The following FEM1C variants were observed in gnomAD, a reference collection of about 807,000 sequenced individuals.
FEM1C encodes the protein fem-1 homolog C.
A neutral mutation model predicts 37.6 loss-of-function variants in FEM1C; 15 were observed. That is an observed-to-expected ratio of 0.40 (90% CI 0.27 to 0.61). The LOEUF is 0.61. Among genes scored for constraint, FEM1C ranks in the 20% least tolerant of loss-of-function variants. The pLI is 0.42. For missense variants in FEM1C, 532 were observed against 749.7 expected (o/e 0.71, Z 3.39); for synonymous variants, 287 against 272.8 (o/e 1.05, Z -0.51).
intron 2 of FEM1C, among the ~76,000 whole-genome samples, chr5:115,526,503 C>G (rs960082013): frequency 2.0e-5 from 3 of 152,110 alleles, no homozygotes; most frequent in African/African-American, 7.2e-5. Context: ...TTAAAACTGA[C>G]AACAGGCACT....
Position 115,525,564 on chromosome 5 carries a change from T to C in FEM1C, c.598A>G (p.Met200Val), listed in dbSNP as rs1296703982. The C allele has an allele frequency of 6.2e-7, 1 of 1,613,488 alleles. No homozygotes were observed. The highest frequency in any genetic ancestry group is 8.5e-7 in the Non-Finnish European group (1 of 1,179,746). The change falls in exon 3 of 3, where the codon ATG becomes GTG. Residue 200 changes from methionine (M) to valine (V), a missense_variant. Physicochemically the swap from Met to Val is conservative, Grantham distance 21. Transcript: ENST00000274457. ...AESGSLDIMKMLLMYCAKMEK... is the reference protein window; with the variant it reads ...AESGSLDIMKVLLMYCAKMEK... ...ATCTTGGCACAATACATAAGAAGCA[T>C]CTTCATGATGTCCAAACTTCCAGAT...
chr5:115,525,389 T>G lies in FEM1C; in HGVS notation c.773A>C (p.Lys258Thr). 6.2e-7 allele frequency: 1 copy of G among 1,613,746 alleles called. No individual in the cohort carries two copies. The highest frequency in any genetic ancestry group is 8.5e-7 in the Non-Finnish European group (1 of 1,179,788). The change falls in exon 3 of 3, where the codon AAA becomes ACA. Residue 258 changes from lysine to threonine, a missense_variant. By Grantham distance (78) the Lys-to-Thr change is moderately conservative. Transcript: ENST00000274457. ...CAAAGCCCCAAGCAGATCTCTTTTTTTGTCTACAAATGTAGCTCCCAGAAG... is the reference window on the plus strand; with the variant it reads ...CAAAGCCCCAAGCAGATCTCTTTTTGTGTCTACAAATGTAGCTCCCAGAAG... The part of the protein sequence containing the change: ...LELLGATFVD[K>T]KRDLLGALKY...
intron 2 of FEM1C, 33 bp downstream of exon 2, chr5:115,542,917 A>G: frequency 1.3e-6 from 2 of 1,583,258 alleles, no homozygotes; most frequent in East Asian, 4.5e-5. Context: ...AATAAGTGGT[A>G]GACATTTAGA....
At chr5:115,533,962 A>G (rs1754068882) in intron 2 of FEM1C, among the ~76,000 whole-genome samples, 1 of 151,986 alleles carries the variant, frequency 6.6e-6, no homozygotes, top group African/African-American at 2.4e-5. Flanking sequence ...AAATTTCATG[A>G]TTTCTCAAAA....
chr5:115,524,872 C>T lies in FEM1C; in HGVS notation c.1290G>A (p.Gln430=), dbSNP rs1753855340. The T allele has an allele frequency of 1.2e-6, 2 of 1,613,506 alleles. No homozygotes were observed. Among genetic ancestry groups the T allele is most frequent in the African/African-American group, 1.3e-5 (1 of 74,894 alleles). ...TTAACTGTAATGGGTCAGCTGGACA[C>T]TGAGTTTGTTTGATAGCTCGCTCTA... ...LEIERAIKQT[Q]CPADPLQLNK... The change falls in exon 3 of 3, where the codon CAG becomes CAA. Residue 430 remains glutamine, a synonymous_variant. Transcript: ENST00000274457.
At chr5:115,538,628 A>T (rs927012580) in intron 2 of FEM1C, among the ~76,000 whole-genome samples, 5 of 152,032 alleles carry the variant, frequency 3.3e-5, no homozygotes, top group African/African-American at 4.8e-5. Flanking sequence ...ACAAGCAAAC[A>T]AACAAACCAC....
At chr5:115,526,513 T>C (rs1311596467) in intron 2 of FEM1C, among the ~76,000 whole-genome samples, 1 of 152,180 alleles carries the variant, frequency 6.6e-6, no homozygotes, top group Non-Finnish European at 1.5e-5. Context: ...CAACAGGCAC[T>C]GGCACATTAG....
intron 2 of FEM1C, among the ~76,000 whole-genome samples, chr5:115,526,984 G>A (rs779143838): frequency 3.7e-4 from 56 of 152,138 alleles, no homozygotes; most frequent in Non-Finnish European, 4.9e-4. Context: ...CACTGGGTCT[G>A]TCATGGGTTT....
At chr5:115,533,238 T>G (rs1754054375) in intron 2 of FEM1C, among the ~76,000 whole-genome samples, 1 of 152,042 alleles carries the variant, frequency 6.6e-6, no homozygotes. Flanking sequence ...AAATAGAATA[T>G]TTTCTCATAT....
At chr5:115,529,101 G>A (rs1431967828) in intron 2 of FEM1C, among the ~76,000 whole-genome samples, 2 of 151,904 alleles carry the variant, frequency 1.3e-5, no homozygotes, top group Non-Finnish European at 2.9e-5. Flanking sequence ...CAGAATTCTA[G>A]AGCAAAAAAA....
At chr5:115,532,748 T>C (rs539742299) in intron 2 of FEM1C, among the ~76,000 whole-genome samples, 2 of 152,164 alleles carry the variant, frequency 1.3e-5, no homozygotes, top group South Asian at 2.1e-4. Flanking sequence ...TCCTTCTTAA[T>C]GGTTTTATGG....
chr5:115,540,621 TTAAA>T (rs1194010256), intron 2 of FEM1C, among the ~76,000 whole-genome samples: 1 of 152,018 alleles, frequency 6.6e-6, no homozygotes, highest in Non-Finnish European at 1.5e-5. Flanking sequence ...GGTAATCAAG[TTAAA>T]TACTGTTCAC....
chr5:115,543,050 A>C lies in FEM1C; in HGVS notation c.444T>G (p.His148Gln). 6.2e-7 allele frequency: 1 copy of C among 1,614,220 alleles called. No homozygotes were observed. The change falls in exon 2 of 3, where the codon CAT becomes CAG. Residue 148 changes from histidine to glutamine, a missense_variant. Physicochemically the swap from His to Gln is conservative, Grantham distance 24. Around this residue, in one of 3 missense-constraint regions of FEM1C, gnomAD observed 221 missense variants for 404.1 expected, o/e 0.55. Coordinates refer to ENST00000274457, the MANE Select transcript of FEM1C (RefSeq NM_020177.3). ...ATGAAATCATCAAGCACGTATGCCC[A>C]TGTCGGTTTGACACTTCCAAATCAG... ...HKADLEVSNR[H>Q]GHTCLMISCY...
chr5:115,538,650 C>A (rs555040318), intron 2 of FEM1C, among the ~76,000 whole-genome samples: 1 of 152,020 alleles, frequency 6.6e-6, no homozygotes, highest in Non-Finnish European at 1.5e-5. Flanking sequence ...CCAGTTAGTC[C>A]CCTGCTGAAA....
At position 115,523,282 on chromosome 5, in the gene FEM1C, A is replaced by G. The variant is rs534408636; in HGVS notation, c.*1026T>C. 3 of 152,594 alleles carry G rather than the reference A, an allele frequency of 2.0e-5. No individual in the cohort carries two copies. Among genetic ancestry groups the G allele is most frequent in the African/African-American group, 4.8e-5 (2 of 41,560 alleles). 9.5% of individuals were successfully genotyped at this position (152,594 alleles called of 1,614,324 possible). ...ACATGCTTTAGCTCTTTTTGTAACT[A>G]AAAGTGATTTGCAGTTCAATTACTG... On this transcript the variant is annotated 3_prime_UTR_variant, in exon 3 of 3. Transcript: ENST00000274457.
In FEM1C at chr5:115,544,625, T is replaced by C. The variant is rs907645059; in HGVS notation, c.-293A>G. On this transcript the variant is annotated 5_prime_UTR_variant, in exon 1 of 3. Coordinates refer to ENST00000274457, the MANE Select transcript of FEM1C (RefSeq NM_020177.3). ...CCCACCGCCGCCCGGGCCGCCCTGCTCCGCCTGCGGCCGCACAGCTCCTCC... is the reference window on the plus strand; with the variant it reads ...CCCACCGCCGCCCGGGCCGCCCTGCCCCGCCTGCGGCCGCACAGCTCCTCC... 112 of 154,524 alleles carry C rather than the reference T, an allele frequency of 7.2e-4. 1 individual carries two copies. The highest frequency in any genetic ancestry group is 2.9e-3 in the Admixed American group (45 of 15,314). 9.6% of individuals were successfully genotyped at this position (154,524 alleles called of 1,614,324 possible). A position where few individuals can be genotyped will look rare whatever the true frequency, so the allele number is the denominator to read the frequency against.
intron 2 of FEM1C, among the ~76,000 whole-genome samples, chr5:115,538,436 TATA>T (rs1265270341): frequency 6.6e-6 from 1 of 152,018 alleles, no homozygotes; most frequent in Non-Finnish European, 1.5e-5. Flanking sequence ...TCAAGGAGCT[TATA>T]ATCTTTCCTC....
chr5:115,530,767 C>T (rs746490628), intron 2 of FEM1C, among the ~76,000 whole-genome samples: 5 of 151,956 alleles, frequency 3.3e-5, no homozygotes, highest in Non-Finnish European at 7.4e-5. Context: ...CTTGCTTCGT[C>T]GGTCAAAGAA....
Position 115,543,548 on chromosome 5 carries a change from TTAACTC to T in FEM1C, c.-61_-56del. 4 of 1,532,396 alleles carry T rather than the reference TTAACTC, an allele frequency of 2.6e-6. No homozygotes were observed. The highest frequency in any genetic ancestry group is 1.3e-5 in the South Asian group (1 of 78,266). The allele number at this position is 1,532,396 out of a possible 1,614,324, so 94.9% of individuals were successfully genotyped here. A position where few individuals can be genotyped will look rare whatever the true frequency, so the allele number is the denominator to read the frequency against. On this transcript the variant is annotated 5_prime_UTR_variant, in exon 2 of 3. Coordinates refer to ENST00000274457, the MANE Select transcript of FEM1C (RefSeq NM_020177.3). Reference sequence around the variant, plus strand: ...TTATCTTTCAAAGCAGAGCTCCAGTTTAACTCTATCGACACAGGCAAGAGTCACAGG... The same window carrying T: ...TTATCTTTCAAAGCAGAGCTCCAGTTTATCGACACAGGCAAGAGTCACAGG...
Sources: gnomAD v4.1 joint callset for allele counts (sites outside exome capture counted in the v4.1 genomes callset) on GRCh38, gnomAD v4.1.1 for gene constraint, gnomAD v4.1.1 regional missense constraint, MANE v1.5 for transcripts, NCBI Gene and HGNC (gene_info 2026-07-23, HGNC 2026-07-21) for gene names.